Variants in SART3 observed in about 807,000 individuals in gnomAD.
SART3 encodes the protein HIV-1 Tat-interacting protein of 110kDa.
In SART3, 44 loss-of-function variants were observed where a neutral mutation model predicts 122.3. The observed-to-expected ratio is 0.36, with a 90% CI of 0.28 to 0.46. SART3 has a LOEUF of 0.46. SART3 is among the 20% of genes least tolerant of loss of function. The pLI is 1.00. For missense variants in SART3, 1,101 were observed against 1,229.0 expected, an observed-to-expected ratio of 0.90 and a Z score of 1.56; for synonymous variants, 442 against 454.0, an observed-to-expected ratio of 0.97 and a Z score of 0.34.
chr12:108,542,581 T>C (rs1337927324), intron 6 of SART3, among the ~76,000 whole-genome samples: 2 of 152,234 alleles, frequency 1.3e-5, no homozygotes, highest in Non-Finnish European at 2.9e-5. Flanking sequence ...ACCGGAGTTA[T>C]ACTTAGCAAC....
chr12:108,527,164 T>A (rs1872424423), intron 15 of SART3, among the ~76,000 whole-genome samples: 1 of 152,168 alleles, frequency 6.6e-6, no homozygotes, highest in African/African-American at 2.4e-5. Context: ...GCCTTTCCAA[T>A]GCAACGTAAG....
intron 12 of SART3, among the ~76,000 whole-genome samples, chr12:108,535,067 A>T (rs1039066879): frequency 6.6e-6 from 1 of 152,208 alleles, no homozygotes; most frequent in African/African-American, 2.4e-5. Context: ...TTTCTATAAA[A>T]GCAAATATAA....
intron 6 of SART3, among the ~76,000 whole-genome samples, chr12:108,542,307 C>G (rs1565863517): frequency 6.6e-6 from 1 of 152,172 alleles, no homozygotes; most frequent in Non-Finnish European, 1.5e-5. Context: ...GCACAAGCAA[C>G]GAGAACTCTC....
At position 108,523,527 on chromosome 12, in the gene SART3, G is replaced by T. The variant is rs771911288; in HGVS notation, c.2822C>A (p.Ala941Asp). The change falls in exon 19 of 19, where the codon GCC becomes GAC. Residue 941 changes from alanine to aspartate, a missense_variant. By Grantham distance (126) the Ala-to-Asp change is moderately radical. Around this residue, in one of 2 missense-constraint regions of SART3, gnomAD observed 885 missense variants for 1,080.1 expected, o/e 0.82. Coordinates refer to ENST00000546815, the MANE Select transcript of SART3 (RefSeq NM_014706.4). ...GGGTGCCTCGGTGGCTGCTGGGGCGGCAACTGCAGGAGCCGCGGCAGGGCC... is the reference window on the plus strand; with the variant it reads ...GGGTGCCTCGGTGGCTGCTGGGGCGTCAACTGCAGGAGCCGCGGCAGGGCC... ...ENGPAAAPAVAAPAATEAPKM... is the reference protein window; with the variant it reads ...ENGPAAAPAVDAPAATEAPKM... 5 of 1,613,736 alleles carry T rather than the reference G, an allele frequency of 3.1e-6. No homozygotes were observed. Among genetic ancestry groups the T allele is most frequent in the Middle Eastern group, 1.7e-4 (1 of 5,730 alleles).
intron 1 of SART3, among the ~76,000 whole-genome samples, chr12:108,556,850 G>A (rs2030239963): frequency 6.6e-6 from 1 of 152,242 alleles, no homozygotes; most frequent in Non-Finnish European, 1.5e-5. Context: ...GAACTCAATA[G>A]AGTGTGCTTG....
In SART3 at chr12:108,560,915, G is replaced by A. The variant is rs1327782901; in HGVS notation, c.240C>T (p.Pro80=). 3 of 1,613,650 alleles carry A rather than the reference G, an allele frequency of 1.9e-6. No homozygotes were observed. Among genetic ancestry groups the A allele is most frequent in the Non-Finnish European group, 2.5e-6 (3 of 1,179,836 alleles). The change falls in exon 1 of 19, where the codon CCC becomes CCT. Residue 80 remains proline (P), a synonymous_variant. Transcript: ENST00000546815. The part of the protein sequence containing the change: ...YAMASSAESS[P]GEYEWEYDEE... ...CGTCATATTCCCACTCGTACTCCCC[G>A]GGGGAGCTCTCCGCGGAGGAAGCCA...
intron 1 of SART3, among the ~76,000 whole-genome samples, chr12:108,558,057 T>C (rs1438510491): frequency 6.6e-6 from 1 of 152,104 alleles, no homozygotes; most frequent in African/African-American, 2.4e-5. Flanking sequence ...TAGTCCGAGA[T>C]ACTTTGGAGG....
chr12:108,560,058 C>T (rs2030426197), intron 1 of SART3, among the ~76,000 whole-genome samples: 1 of 152,208 alleles, frequency 6.6e-6, no homozygotes, highest in South Asian at 2.1e-4. Context: ...CTCCCGATTT[C>T]CCTACCCACA....
intron 5 of SART3, among the ~76,000 whole-genome samples, chr12:108,543,520 TTCAGTTGC>T (rs1231564962): frequency 6.6e-6 from 1 of 152,178 alleles, no homozygotes; most frequent in Non-Finnish European, 1.5e-5. Context: ...AAGCAGAGGG[TTCAGTTGC>T]TCGTCTACAG....
At chr12:108,540,939 C>G (rs1453507404) in intron 6 of SART3, among the ~76,000 whole-genome samples, 1 of 152,074 alleles carries the variant, frequency 6.6e-6, no homozygotes, top group Non-Finnish European at 1.5e-5. Context: ...AAAATCAATC[C>G]CAGGTGGATG....
rs551141050 is a variant in SART3, at chr12:108,544,445, A to G, written c.763T>C (p.Leu255=). 3.1e-6 allele frequency: 5 copies of G among 1,614,214 alleles called. No homozygotes were observed. Among genetic ancestry groups the G allele is most frequent in the East Asian group, 4.5e-5 (2 of 44,888 alleles). ...EKVHSLFRRQ[L]AIPLYDMEAT... is the part of the protein sequence containing the mutation. The stretch of plus-strand genomic sequence containing the variant: ...CTCTTACCATAGAGTGGGATCGCCA[A>G]CTGTCGCCGGAAAAGACTGTGGACT... The change falls in exon 5 of 19, where the codon TTG becomes CTG. Residue 255 remains leucine, a synonymous_variant. Coordinates refer to ENST00000546815, the MANE Select transcript of SART3 (RefSeq NM_014706.4).
intron 17 of SART3, 92 bp from the exon 18 acceptor site, chr12:108,524,598 G>C: frequency 2.6e-6 from 3 of 1,154,866 alleles, no homozygotes; most frequent in Non-Finnish European, 3.9e-6. Flanking sequence ...TCCTCCCGGA[G>C]ACCAGCAGAC....
chr12:108,523,735 T>A lies in SART3; in HGVS notation c.2715-101A>T, dbSNP rs1872238025. The A allele has an allele frequency of 3.2e-5, 31 of 974,628 alleles. No individual in the cohort carries two copies. The South Asian group carries it at 4.4e-4, about 14-fold the overall frequency. 60.4% of individuals were successfully genotyped at this position (974,628 alleles called of 1,614,324 possible). A position where few individuals can be genotyped will look rare whatever the true frequency, so the allele number is the denominator to read the frequency against. ...AGACAGTTTTAATATAACCAGAAGT[T>A]AAAAGGTGAAAAAAAAAAAGGATAA... On this transcript the variant is annotated intron_variant, in intron 18 of 18. Transcript: ENST00000546815.
intron 1 of SART3, 71 bp downstream of exon 1, chr12:108,560,772 G>C: frequency 7.2e-7 from 1 of 1,393,764 alleles, no homozygotes; most frequent in South Asian, 1.4e-5. Context: ...GGACTAGGGA[G>C]GCGGGCCAGG....
chr12:108,532,066 T>C (rs910776963), intron 13 of SART3, 156 bp downstream of exon 13: 4 of 667,716 alleles, frequency 6.0e-6, no homozygotes, highest in Non-Finnish European at 1.1e-5. Flanking sequence ...GCAGGAGGAC[T>C]CATTTTCAGG....
At chr12:108,542,668 A>T (rs1361792510) in intron 6 of SART3, 1 of 350,930 alleles carries the variant, frequency 2.8e-6, no homozygotes, top group Admixed American at 3.8e-5. Context: ...TTCAAAAGCA[A>T]GCAAAATTAA....
rs549068903 is a variant in SART3 at position 108,531,449 on chromosome 12, T to C, written c.1670-169A>G. On this transcript the variant is annotated intron_variant, in intron 13 of 18. Coordinates refer to ENST00000546815, the MANE Select transcript of SART3 (RefSeq NM_014706.4). Reference sequence around the variant, plus strand: ...TCAGAATTCAAATAGTCCTTCTAAGTGGGTTTAAAATGTCCCTCTCCTTTC... The same window carrying C: ...TCAGAATTCAAATAGTCCTTCTAAGCGGGTTTAAAATGTCCCTCTCCTTTC... The C allele has an allele frequency of 9.4e-4, 588 of 623,104 alleles. 5 individuals are homozygous for C. The South Asian group carries it at 0.01, about 11-fold the overall frequency. The allele number at this position is 623,104 out of a possible 1,614,324, so 38.6% of individuals were successfully genotyped here. A position where few individuals can be genotyped will look rare whatever the true frequency, so the allele number is the denominator to read the frequency against.
rs1872664979 is a variant in SART3, at chr12:108,531,215, G to C, written c.1735C>G (p.Gln579Glu). 2 of 1,613,692 alleles carry C rather than the reference G, an allele frequency of 1.2e-6. No individual in the cohort carries two copies. Among genetic ancestry groups the C allele is most frequent in the African/African-American group, 1.3e-5 (1 of 74,928 alleles). The change falls in exon 14 of 19, where the codon CAG (glutamine) becomes GAG (glutamate). Residue 579 changes from glutamine to glutamate, a missense_variant. By Grantham distance (29) the Gln-to-Glu change is conservative. Coordinates refer to ENST00000546815, the MANE Select transcript of SART3 (RefSeq NM_014706.4). ...AACATTGTCATTACCTTCATTCTCT[G>C]CTCATTGACACGAGCTAATCGGGTT... ...TETRLARVNE[Q>E]RMKAAEKEAA...
intron 1 of SART3, among the ~76,000 whole-genome samples, chr12:108,559,805 C>G (rs1276374666): frequency 6.6e-6 from 1 of 152,160 alleles, no homozygotes; most frequent in Non-Finnish European, 1.5e-5. Flanking sequence ...TCTCCAGCTT[C>G]CAGATGGGTC....
Sources: gnomAD v4.1 joint callset for allele counts (sites outside exome capture counted in the v4.1 genomes callset) on GRCh38, gnomAD v4.1.1 for gene constraint, gnomAD v4.1.1 regional missense constraint, MANE v1.5 for transcripts, NCBI Gene and HGNC (gene_info 2026-07-23, HGNC 2026-07-21) for gene names.